Variants in FSCN3 observed in about 807,000 individuals in gnomAD.
FSCN3 encodes the protein fascin actin-bundling protein 3, also known as fascin-3.
FSCN3 carries 43 observed loss-of-function variants against 53.5 expected under a neutral mutation model. The observed-to-expected ratio is 0.80, with a 90% CI of 0.63 to 1.04. The LOEUF is 1.04. Among genes scored for constraint, FSCN3 ranks in the 50% least tolerant of loss-of-function variants. The pLI is 0.00. For missense variants in FSCN3, 594 were observed against 646.5 expected, an observed-to-expected ratio of 0.92 and a Z score of 0.88; for synonymous variants, 235 against 246.6, an observed-to-expected ratio of 0.95 and a Z score of 0.44.
chr7:127,599,367 C>T lies in FSCN3; in HGVS notation c.1121-14C>T. On this transcript the variant is annotated splice_polypyrimidine_tract_variant and intron_variant, in intron 4 of 6. Coordinates refer to ENST00000265825, the MANE Select transcript of FSCN3 (RefSeq NM_020369.3). ...AGGCAGCCCATCCAGATAACTCCTTCCTATTTCCTTCAGGCCCAAATGAGG... is the reference window on the plus strand; with the variant it reads ...AGGCAGCCCATCCAGATAACTCCTTTCTATTTCCTTCAGGCCCAAATGAGG... 1.2e-6 allele frequency: 2 copies of T among 1,609,130 alleles called. No homozygotes were observed. The highest frequency in any genetic ancestry group is 1.7e-6 in the Non-Finnish European group (2 of 1,175,932).
rs1042476657 is a variant in FSCN3 at position 127,593,751 on chromosome 7, T to C, written c.-103T>C. On this transcript the variant is annotated 5_prime_UTR_variant, in exon 1 of 7. Transcript: ENST00000265825. The stretch of plus-strand genomic sequence containing the variant: ...CTGGGAAGTTCTCTCTGGGAACATC[T>C]GGTGGGTACTACAGGCCCTATTCCA... The C allele has an allele frequency of 3.9e-6, 5 of 1,296,602 alleles. No homozygotes were observed. Among genetic ancestry groups the C allele is most frequent in the Non-Finnish European group, 5.3e-6 (5 of 949,268 alleles). 80.3% of individuals were successfully genotyped at this position (1,296,602 alleles called of 1,614,324 possible).
chr7:127,597,239 A>G (rs1245557332), intron 3 of FSCN3, among the ~76,000 whole-genome samples: 3 of 152,228 alleles, frequency 2.0e-5, no homozygotes, highest in Non-Finnish European at 4.4e-5. Flanking sequence ...GTAAATATGT[A>G]GGAGTGGAAT....
At position 127,593,805 on chromosome 7, in the gene FSCN3, G is replaced by C; in HGVS notation, c.-49G>C. On this transcript the variant is annotated 5_prime_UTR_variant, in exon 1 of 7. Transcript: ENST00000265825. ...CCTATGGCCTGTGGAACCTCACCAC[G>C]GGGGGGAGGGCTGGGCCAGACGGAG... 3.9e-6 allele frequency: 6 copies of C among 1,536,278 alleles called. No individual in the cohort carries two copies. The highest frequency in any genetic ancestry group is 5.3e-6 in the Non-Finnish European group (6 of 1,135,398).
chr7:127,594,843 A>G (rs1562955501), intron 1 of FSCN3: 2 of 472,322 alleles, frequency 4.2e-6, no homozygotes, highest in South Asian at 1.5e-5. Context: ...TCATCCCTGG[A>G]GCCAGGGCCT....
rs753793108 is a variant in FSCN3, at chr7:127,594,271, TGTGTGTGTGC to T, written c.144+276_144+285del. ...AGCTGTGTGTGTGTGTGTGTGTGTG[TGTGTGTGTGC>T]GCACTTGCCTGTATATGAAAGCAGG... On this transcript the variant is annotated intron_variant, in intron 1 of 6. Transcript: ENST00000265825. 2.0e-4 allele frequency among the ~76,000 whole-genome samples: 22 copies of T among 111,326 alleles called. 1 individual carries two copies. The highest frequency in any genetic ancestry group is 8.4e-4 in the South Asian group (3 of 3,568). 73.0% of individuals were successfully genotyped at this position (111,326 alleles called of 152,430 possible).
chr7:127,594,605 GA>G (rs1441252663), intron 1 of FSCN3: 1 of 471,068 alleles, frequency 2.1e-6, no homozygotes, highest in African/African-American at 2.0e-5. Context: ...GCATCCAGGG[GA>G]AGTTGGACCA....
At chr7:127,598,108 C>G (rs901805888) in intron 3 of FSCN3, among the ~76,000 whole-genome samples, 2 of 152,180 alleles carry the variant, frequency 1.3e-5, no homozygotes, top group African/African-American at 4.8e-5. Flanking sequence ...ATGTTTTCTT[C>G]TAGATGTTTC....
intron 3 of FSCN3, 157 bp downstream of exon 3, chr7:127,596,603 TA>T (rs796842579): frequency 0.022 from 7,164 of 320,156 alleles, 4 homozygotes; most frequent in East Asian, 0.03. Context: ...GGGGCTCCTT[TA>T]AAAAAAAAAA....
rs1794330384 is a variant in FSCN3, at chr7:127,593,762, A to G, written c.-92A>G. On this transcript the variant is annotated 5_prime_UTR_variant, in exon 1 of 7. Coordinates refer to ENST00000265825, the MANE Select transcript of FSCN3 (RefSeq NM_020369.3). ...TCTCTGGGAACATCTGGTGGGTACT[A>G]CAGGCCCTATTCCAGGCCCTATGGC... is the stretch of plus-strand genomic sequence containing the variant. The G allele has an allele frequency of 4.2e-6, 6 of 1,416,182 alleles. No homozygotes were observed. The highest frequency in any genetic ancestry group is 5.8e-6 in the Non-Finnish European group (6 of 1,040,140). The allele number at this position is 1,416,182 out of a possible 1,614,324, so 87.7% of individuals were successfully genotyped here.
At chr7:127,596,903 A>T (rs1049749998) in intron 3 of FSCN3, among the ~76,000 whole-genome samples, 12 of 152,200 alleles carry the variant, frequency 7.9e-5, no homozygotes, top group Middle Eastern at 3.2e-3. Flanking sequence ...GCTACCACTG[A>T]TCTGTGTTCT....
chr7:127,598,630 G>A (rs1436145129), intron 4 of FSCN3, 36 bp downstream of exon 4: 4 of 1,549,318 alleles, frequency 2.6e-6, no homozygotes, highest in African/African-American at 1.4e-5. Context: ...ATGATTCCAA[G>A]TCAGGGAGAA....
At position 127,601,838 on chromosome 7, in the gene FSCN3, G is replaced by A. The variant is rs567851363; in HGVS notation, c.*216G>A. On this transcript the variant is annotated 3_prime_UTR_variant, in exon 7 of 7. Coordinates refer to ENST00000265825, the MANE Select transcript of FSCN3 (RefSeq NM_020369.3). Reference sequence around the variant, plus strand: ...CTGACTCAATATAGAATAGGGGTCTGGATGAGGGTTGAAACAGACACCCCA... The same window carrying A: ...CTGACTCAATATAGAATAGGGGTCTAGATGAGGGTTGAAACAGACACCCCA... 8 of 152,254 alleles carry A rather than the reference G, an allele frequency of 5.3e-5. No individual in the cohort carries two copies. The East Asian group carries it at 1.5e-3, about 29-fold the overall frequency. The allele number at this position is 152,254 out of a possible 1,614,324, so 9.4% of individuals were successfully genotyped here. A position where few individuals can be genotyped will look rare whatever the true frequency, so the allele number is the denominator to read the frequency against.
Position 127,595,747 on chromosome 7 carries a change from A to G in FSCN3, c.585A>G (p.Thr195=). The part of the protein sequence containing the change: ...RDGCYHLETS[T]HHFLSHVDRL... ...GATGCTACCACCTGGAGACCTCTAC[A>G]CACCACTTCTTGTCCCATGTAGACC... The change falls in exon 2 of 7, where the codon ACA becomes ACG. Residue 195 remains threonine (T), a synonymous_variant. Coordinates refer to ENST00000265825, the MANE Select transcript of FSCN3 (RefSeq NM_020369.3). 1.2e-6 allele frequency: 2 copies of G among 1,613,898 alleles called. No individual in the cohort carries two copies. The highest frequency in any genetic ancestry group is 1.7e-6 in the Non-Finnish European group (2 of 1,179,818).
chr7:127,602,097 T>G lies in FSCN3; in HGVS notation c.*475T>G, dbSNP rs1191668887. ...ATGGTAATAACACCTTATGCCTGTA[T>G]AGGCCACTTTACCTCCTCCTACCAC... On this transcript the variant is annotated 3_prime_UTR_variant, in exon 7 of 7. Transcript: ENST00000265825. 6.6e-6 allele frequency: 1 copy of G among 152,102 alleles called. No homozygotes were observed. The highest frequency in any genetic ancestry group is 6.6e-5 in the Admixed American group (1 of 15,262). The allele number at this position is 152,102 out of a possible 1,614,324, so 9.4% of individuals were successfully genotyped here. A position where few individuals can be genotyped will look rare whatever the true frequency, so the allele number is the denominator to read the frequency against.
Position 127,596,402 on chromosome 7 carries a change from C to A in FSCN3, c.916C>A (p.Pro306Thr). The A allele has an allele frequency of 6.2e-7, 1 of 1,610,622 alleles. No homozygotes were observed. Among genetic ancestry groups the A allele is most frequent in the Non-Finnish European group, 8.5e-7 (1 of 1,176,866 alleles). The change falls in exon 3 of 7, where the codon CCC becomes ACC. Residue 306 changes from proline to threonine, a missense_variant. Physicochemically the swap from Pro to Thr is conservative, Grantham distance 38 (BLOSUM62 -1). Transcript: ENST00000265825. ...LFQFECDSES[P>T]TVQLRSANGY... ...CCAGTTTGAATGTGACAGTGAGAGC[C>A]CCACTGTGCAGCTTCGTTCAGCCAA...
At chr7:127,595,175 G>A in intron 1 of FSCN3, 132 bp from the exon 2 acceptor site, 1 of 699,358 alleles carries the variant, frequency 1.4e-6, no homozygotes, top group Non-Finnish European at 2.4e-6. Context: ...AGATACCAGG[G>A]CTGATGTGGA....
chr7:127,594,371 T>A, intron 1 of FSCN3: 2 of 438,142 alleles, frequency 4.6e-6, no homozygotes, highest in Non-Finnish European at 9.4e-6. Flanking sequence ...TTTTCTACTC[T>A]AGGCTTTTGT....
At chr7:127,596,257 C>T in intron 2 of FSCN3, 71 bp from the exon 3 acceptor site, 1 of 1,540,182 alleles carries the variant, frequency 6.5e-7, no homozygotes, top group Non-Finnish European at 8.9e-7. Context: ...GGACAGAAGC[C>T]CCGGTCATAA....
chr7:127,595,430 A>C lies in FSCN3; in HGVS notation c.268A>C (p.Ser90Arg), dbSNP rs1469404970. The C allele has an allele frequency of 1.2e-6, 2 of 1,614,058 alleles. No homozygotes were observed. The highest frequency in any genetic ancestry group is 2.7e-5 in the African/African-American group (2 of 74,934). The change falls in exon 2 of 7, where the codon AGC becomes CGC. Residue 90 changes from serine (S) to arginine (R), a missense_variant. Transcript: ENST00000265825. ...GTVCYGRPRT[S>R]HHGCFLLRFH... Reference sequence around the variant, plus strand: ...CGTGTGTTATGGCCGCCCAAGGACCAGCCACCATGGGTGCTTTCTACTGCG... The same window carrying C: ...CGTGTGTTATGGCCGCCCAAGGACCCGCCACCATGGGTGCTTTCTACTGCG...
Sources: allele counts gnomAD v4.1 joint callset (sites outside exome capture counted in the v4.1 genomes callset), GRCh38; gene constraint gnomAD v4.1.1; transcripts MANE v1.5; gene names NCBI Gene and HGNC (gene_info 2026-07-23, HGNC 2026-07-21).